Variants in PLD5 observed in about 807,000 individuals in gnomAD.
PLD5 encodes the protein phospholipase D family member 5, also known as inactive phospholipase D5.
PLD5 carries 36 observed loss-of-function variants against 61.1 expected under a neutral mutation model. The observed-to-expected ratio is 0.59, with a 90% CI of 0.45 to 0.78. The LOEUF (loss-of-function observed/expected upper bound fraction) is 0.78, where lower values mean the gene tolerates loss of function less well. Ranked by LOEUF, PLD5 falls within the 30% of genes least tolerant of loss-of-function variation. The pLI, the probability that PLD5 is intolerant of heterozygous loss-of-function variation, is 0.00. For synonymous variants in PLD5, 243 were observed against 242.8 expected, an observed-to-expected ratio of 1.00 and a Z score of -0.01; for missense variants, 515 against 644.4, an observed-to-expected ratio of 0.80 and a Z score of 2.17.
intron 4 of PLD5, among the ~76,000 whole-genome samples, chr1:242,242,932 T>C (rs1292985645): frequency 6.6e-6 from 1 of 152,248 alleles, no homozygotes; most frequent in African/African-American, 2.4e-5. Flanking sequence ...TTTTTATTAC[T>C]AGAGAGTCTG....
chr1:242,370,782 T>C (rs952906383), intron 1 of PLD5, among the ~76,000 whole-genome samples: 3 of 152,152 alleles, frequency 2.0e-5, no homozygotes, highest in Non-Finnish European at 4.4e-5. Flanking sequence ...CCCTATATTA[T>C]AGATAAAAGT....
chr1:242,186,598 A>G (rs1169524375), intron 5 of PLD5, among the ~76,000 whole-genome samples: 1 of 152,200 alleles, frequency 6.6e-6, no homozygotes, highest in Non-Finnish European at 1.5e-5. Context: ...AGAGCAAAAG[A>G]GAGGTAAATG....
intron 1 of PLD5, among the ~76,000 whole-genome samples, chr1:242,394,352 ATATGTGTGTATATATGAGTATATATG>A (rs1663240325): frequency 1.1e-5 from 1 of 95,040 alleles, no homozygotes; most frequent in Non-Finnish European, 2.1e-5. Flanking sequence ...ATATGAGTAT[ATATGTGTGTATATATGAGTATATATG>A]TGTGTATATA....
At chr1:242,498,199 G>T (rs528474135) in intron 1 of PLD5, among the ~76,000 whole-genome samples, 3 of 152,134 alleles carry the variant, frequency 2.0e-5, no homozygotes, top group Admixed American at 2.0e-4. Flanking sequence ...TCCTGACCTC[G>T]TGATCCGCCC....
chr1:242,381,291 C>G (rs1352439554), intron 1 of PLD5, among the ~76,000 whole-genome samples: 1 of 152,112 alleles, frequency 6.6e-6, no homozygotes, highest in Non-Finnish European at 1.5e-5. Flanking sequence ...GGCAAACTAA[C>G]TCAGGAAAAG....
chr1:242,235,296 A>C (rs184202007), intron 4 of PLD5, among the ~76,000 whole-genome samples: 1 of 152,364 alleles, frequency 6.6e-6, no homozygotes, highest in East Asian at 1.9e-4. Flanking sequence ...TATTCCCTTC[A>C]TAAGTCACCA....
intron 2 of PLD5, among the ~76,000 whole-genome samples, chr1:242,320,928 GC>G (rs754153728): frequency 1.3e-5 from 2 of 152,124 alleles, no homozygotes; most frequent in Non-Finnish European, 2.9e-5. Context: ...AGAAAAGGAT[GC>G]AGGAAAAATT....
rs113370236 is a variant in PLD5 at position 242,090,590 on chromosome 1, C to G, written c.1355-480G>C. Reference sequence around the variant, plus strand: ...GAGGAGACTCAGTTCCTAACAAACACTCGATTGGACTAGAAATCATTTCCC... The same window carrying G: ...GAGGAGACTCAGTTCCTAACAAACAGTCGATTGGACTAGAAATCATTTCCC... On this transcript the variant is annotated intron_variant, in intron 9 of 9. Transcript: ENST00000536534. Among the ~76,000 whole-genome samples, 388 of 152,340 alleles carry G rather than the reference C, an allele frequency of 2.5e-3. 1 individual carries two copies. Among genetic ancestry groups the G allele is most frequent in the African/African-American group, 9.1e-3 (379 of 41,594 alleles).
At chr1:242,388,928 C>T (rs1662759957) in intron 1 of PLD5, among the ~76,000 whole-genome samples, 1 of 152,002 alleles carries the variant, frequency 6.6e-6, no homozygotes, top group Non-Finnish European at 1.5e-5. Context: ...GCACTCCAGG[C>T]TGGTGACAGA....
At chr1:242,419,571 C>CGTTT (rs1558550692) in intron 1 of PLD5, among the ~76,000 whole-genome samples, 1 of 39,384 alleles carries the variant, frequency 2.5e-5, no homozygotes, top group East Asian at 4.4e-4. Context: ...AAATTTTTTG[C>CGTTT]ATTTTTTTTT....
intron 1 of PLD5, among the ~76,000 whole-genome samples, chr1:242,493,187 A>AATTACCCTT (rs1668225376): frequency 6.6e-6 from 1 of 152,200 alleles, no homozygotes; most frequent in Non-Finnish European, 1.5e-5. Context: ...CTTACTTGCC[A>AATTACCCTT]ATTACCCTTC....
chr1:242,407,759 A>C (rs1196391350), intron 1 of PLD5, among the ~76,000 whole-genome samples: 1 of 151,842 alleles, frequency 6.6e-6, no homozygotes, highest in East Asian at 1.9e-4. Context: ...TTGTATTTTT[A>C]GTAGAGATGG....
chr1:242,237,823 G>A (rs1460926323), intron 4 of PLD5, among the ~76,000 whole-genome samples: 5 of 152,114 alleles, frequency 3.3e-5, no homozygotes, highest in South Asian at 2.1e-4. Flanking sequence ...CAAGATTCTC[G>A]TTAAATTTGA....
chr1:242,409,831 G>T (rs895988805), intron 1 of PLD5, among the ~76,000 whole-genome samples: 3 of 152,168 alleles, frequency 2.0e-5, no homozygotes, highest in Admixed American at 2.0e-4. Context: ...ATATGTGGGG[G>T]CGCCATGTTG....
At position 242,337,222 on chromosome 1, in the gene PLD5, T is replaced by C. The variant is rs532265152; in HGVS notation, c.326+10884A>G. On this transcript the variant is annotated intron_variant, in intron 2 of 9. Coordinates refer to ENST00000536534, the MANE Select transcript of PLD5 (RefSeq NM_001372062.1). ...ATAAGAAAGCATCTGCATAATACTT[T>C]CTATTTTCTCTTCTATTTTCATAGA... is the stretch of plus-strand genomic sequence containing the variant. Among the ~76,000 whole-genome samples, 111 of 21,614 alleles carry C rather than the reference T, an allele frequency of 5.1e-3. 1 individual carries two copies. Among genetic ancestry groups the C allele is most frequent in the African/African-American group, 9.0e-3 (101 of 11,192 alleles). The allele number at this position is 21,614 out of a possible 152,430, so 14.2% of individuals were successfully genotyped here.
intron 2 of PLD5, among the ~76,000 whole-genome samples, chr1:242,305,064 C>A (rs1021786493): frequency 6.6e-6 from 1 of 152,202 alleles, no homozygotes; most frequent in African/African-American, 2.4e-5. Flanking sequence ...TGGGATCACA[C>A]AACTATACCC....
chr1:242,187,364 G>T, intron 5 of PLD5, among the ~76,000 whole-genome samples: 1 of 152,172 alleles, frequency 6.6e-6, no homozygotes, highest in African/African-American at 2.4e-5. Context: ...TCGTTTCCTT[G>T]AGTCATCATA....
At chr1:242,337,450 G>C (rs1249650068) in intron 2 of PLD5, among the ~76,000 whole-genome samples, 1 of 151,874 alleles carries the variant, frequency 6.6e-6, no homozygotes, top group Non-Finnish European at 1.5e-5. Flanking sequence ...GGCCAACGTG[G>C]TGAAACCCCG....
intron 1 of PLD5, among the ~76,000 whole-genome samples, chr1:242,395,756 G>C (rs182226607): frequency 6.6e-6 from 1 of 152,274 alleles, no homozygotes; most frequent in Admixed American, 6.5e-5. Context: ...ACTGAGTGAA[G>C]AAGGGGCTAC....
Sources: allele counts gnomAD v4.1 joint callset (sites outside exome capture counted in the v4.1 genomes callset), GRCh38; gene constraint gnomAD v4.1.1; transcripts MANE v1.5; gene names NCBI Gene and HGNC (gene_info 2026-07-23, HGNC 2026-07-21).